The following SHROOM3 variants were observed in gnomAD, a reference collection of about 807,000 sequenced individuals.
SHROOM3 encodes the protein protein Shroom3.
A neutral mutation model predicts 138.6 loss-of-function variants in SHROOM3; 47 were observed. The observed-to-expected ratio is 0.34, with a 90% CI of 0.27 to 0.43. The LOEUF is 0.43. Ranked by LOEUF, SHROOM3 falls within the 20% of genes least tolerant of loss-of-function variation. The probability of loss-of-function intolerance (pLI) is 1.00; values close to 1 mark genes in which losing one functional copy is unlikely to be tolerated. For missense variants in SHROOM3, 2,491 were observed against 2,596.5 expected, an observed-to-expected ratio of 0.96 and a Z score of 0.88; for synonymous variants, 1,062 against 1,063.3, an observed-to-expected ratio of 1.00 and a Z score of 0.02.
At chr4:76,722,007 T>G (rs1358366270) in intron 3 of SHROOM3, among the ~76,000 whole-genome samples, 1 of 152,132 alleles carries the variant, frequency 6.6e-6, no homozygotes, top group Non-Finnish European at 1.5e-5. Context: ...TAGGGGTACG[T>G]GCTATAGTCC....
At chr4:76,751,170 T>C (rs1721611867) in intron 6 of SHROOM3, among the ~76,000 whole-genome samples, 1 of 152,204 alleles carries the variant, frequency 6.6e-6, no homozygotes, top group African/African-American at 2.4e-5. Context: ...CTTTTTTTTC[T>C]AAAGGCTTGC....
intron 1 of SHROOM3, among the ~76,000 whole-genome samples, chr4:76,513,971 C>T (rs1311909483): frequency 6.6e-6 from 1 of 152,176 alleles, no homozygotes; most frequent in African/African-American, 2.4e-5. Flanking sequence ...CAAAGACCTA[C>T]ATTAAAAGTA....
intron 1 of SHROOM3, among the ~76,000 whole-genome samples, chr4:76,540,247 C>T (rs1015061627): frequency 1.3e-5 from 2 of 152,210 alleles, no homozygotes; most frequent in Non-Finnish European, 2.9e-5. Flanking sequence ...GCATTCCATA[C>T]CTCCTGCATG....
At chr4:76,474,637 A>G (rs1731444092) in intron 1 of SHROOM3, among the ~76,000 whole-genome samples, 1 of 152,148 alleles carries the variant, frequency 6.6e-6, no homozygotes. Context: ...TTCTGAGGCC[A>G]GGCATGGTGG....
Position 76,738,811 on chromosome 4 carries a change from G to T in SHROOM3, c.638G>T (p.Ser213Ile), listed in dbSNP as rs1446778726. The stretch of plus-strand genomic sequence containing the variant: ...TATGACCATGCTTATCTAAGGCGGA[G>T]CCCTGACCAGTGCAGCTCCCAGGGG... ...SNYDHAYLRR[S>I]PDQCSSQGSM... Residue 213 changes from serine (S) to isoleucine (I), a missense_variant, in exon 5 of 11, where the codon AGC becomes ATC. Coordinates refer to ENST00000296043, the MANE Select transcript of SHROOM3 (RefSeq NM_020859.4). 1.2e-6 allele frequency: 2 copies of T among 1,614,238 alleles called. No individual in the cohort carries two copies. The highest frequency in any genetic ancestry group is 8.5e-7 in the Non-Finnish European group (1 of 1,180,044).
At chr4:76,766,388 G>A (rs565829269) in intron 9 of SHROOM3, among the ~76,000 whole-genome samples, 1 of 152,334 alleles carries the variant, frequency 6.6e-6, no homozygotes, top group Admixed American at 6.5e-5. Context: ...TCATCCTGCT[G>A]TAGGCAGGAA....
chr4:76,480,453 A>G (rs1333905481), intron 1 of SHROOM3, among the ~76,000 whole-genome samples: 1 of 152,224 alleles, frequency 6.6e-6, no homozygotes, highest in Non-Finnish European at 1.5e-5. Context: ...CTAAATACAT[A>G]TGCACCCAAT....
At chr4:76,629,623 C>T (rs554612539) in intron 2 of SHROOM3, among the ~76,000 whole-genome samples, 17 of 152,128 alleles carry the variant, frequency 1.1e-4, no homozygotes, top group East Asian at 1.9e-4. Flanking sequence ...TGGATCATAG[C>T]GAGGGAGATG....
chr4:76,643,540 T>C (rs560898280), intron 2 of SHROOM3, among the ~76,000 whole-genome samples: 1 of 152,256 alleles, frequency 6.6e-6, no homozygotes, highest in African/African-American at 2.4e-5. Flanking sequence ...AACAGTGATG[T>C]TTGTTATCAT....
At chr4:76,551,800 A>G (rs1228138182) in intron 1 of SHROOM3, among the ~76,000 whole-genome samples, 1 of 152,132 alleles carries the variant, frequency 6.6e-6, no homozygotes, top group African/African-American at 2.4e-5. Context: ...ATTAGATGTC[A>G]CTTTACATTT....
chr4:76,649,646 T>A (rs1348195677), intron 2 of SHROOM3, among the ~76,000 whole-genome samples: 1 of 152,202 alleles, frequency 6.6e-6, no homozygotes. Context: ...TAAAAAATCA[T>A]ACAGATAAGA....
intron 1 of SHROOM3, among the ~76,000 whole-genome samples, chr4:76,515,051 C>T (rs1732416234): frequency 6.6e-6 from 1 of 151,964 alleles, no homozygotes; most frequent in Admixed American, 6.6e-5. Context: ...CCCGTCTCTA[C>T]TACAAATACA....
chr4:76,719,101 C>T (rs1050389349), intron 3 of SHROOM3, among the ~76,000 whole-genome samples: 3 of 152,066 alleles, frequency 2.0e-5, no homozygotes, highest in Non-Finnish European at 4.4e-5. Flanking sequence ...TGGGAAAGCT[C>T]CCAGACATCT....
chr4:76,586,555 TAA>T (rs780193587), intron 2 of SHROOM3: 105 of 866,298 alleles, frequency 1.2e-4, no homozygotes, highest in Non-Finnish European at 1.4e-4. Context: ...GAAGGTAAAC[TAA>T]AGAGAGGTAG....
At chr4:76,502,515 C>T (rs1464412846) in intron 1 of SHROOM3, among the ~76,000 whole-genome samples, 1 of 152,090 alleles carries the variant, frequency 6.6e-6, no homozygotes, top group Non-Finnish European at 1.5e-5. Context: ...TGACAGAATT[C>T]AATTGAATTA....
At chr4:76,615,984 C>G (rs1013839718) in intron 2 of SHROOM3, among the ~76,000 whole-genome samples, 1 of 152,084 alleles carries the variant, frequency 6.6e-6, no homozygotes, top group Admixed American at 6.5e-5. Context: ...CCTTCTGATA[C>G]TTGAAAAGAC....
At chr4:76,775,696 TACATA>T (rs200372781) in intron 10 of SHROOM3, among the ~76,000 whole-genome samples, 9,365 of 151,466 alleles carry the variant, frequency 0.062, 318 homozygotes, top group Non-Finnish European at 0.073. Flanking sequence ...TGTGTATATA[TACATA>T]ACATATTTGT....
chr4:76,700,753 CT>C (rs35366797), intron 2 of SHROOM3, among the ~76,000 whole-genome samples: 41,899 of 149,586 alleles, frequency 0.28, 5,931 homozygotes, highest in East Asian at 0.42. Context: ...CATGAAATAT[CT>C]TTTTTTTTTC....
chr4:76,739,903 C>T lies in SHROOM3; in HGVS notation c.1730C>T (p.Pro577Leu), dbSNP rs1459397435. The stretch of plus-strand genomic sequence containing the variant: ...GCCTCCCTGAAGAGACATCTCACAC[C>T]TCCCCAAGGCAACAGCCCACATTCC... ...EDASLKRHLTPPQGNSPHSNE... is the reference protein window; with the variant it reads ...EDASLKRHLTLPQGNSPHSNE... Residue 577 changes from proline (P) to leucine (L), a missense_variant, in exon 5 of 11, where the codon CCT (proline) becomes CTT (leucine). Pro to Leu is a moderately conservative substitution (Grantham distance 98). Around this residue, in one of 4 missense-constraint regions of SHROOM3, gnomAD observed 1,733 missense variants for 1,661.6 expected, o/e 1.04. Transcript: ENST00000296043. 1 of 1,614,218 alleles carries T rather than the reference C, an allele frequency of 6.2e-7. No individual in the cohort carries two copies. Among genetic ancestry groups the T allele is most frequent in the Non-Finnish European group, 8.5e-7 (1 of 1,180,052 alleles).
Sources: allele counts gnomAD v4.1 joint callset (sites outside exome capture counted in the v4.1 genomes callset), GRCh38; gene constraint gnomAD v4.1.1; regional missense constraint gnomAD v4.1.1; transcripts MANE v1.5; gene names NCBI Gene and HGNC (gene_info 2026-07-23, HGNC 2026-07-21).